The following ZNF365 variants were observed in gnomAD, a reference collection of about 807,000 sequenced individuals.
The protein encoded by ZNF365 is zinc finger protein 365.
In ZNF365, 22 loss-of-function variants were observed where a neutral mutation model predicts 35.0. The ratio of observed to expected loss-of-function variants is 0.63; its 90% CI spans 0.45 to 0.90. The LOEUF (loss-of-function observed/expected upper bound fraction) is 0.90, where lower values mean the gene tolerates loss of function less well. ZNF365 is among the 40% of genes least tolerant of loss of function. The pLI is 0.00. For synonymous variants in ZNF365, 188 were observed against 196.2 expected (o/e 0.96, Z 0.35); for missense variants, 448 against 500.3 (o/e 0.90, Z 1.00).
intron 4 of ZNF365, among the ~76,000 whole-genome samples, chr10:62,460,084 C>T (rs982850247): frequency 6.6e-6 from 1 of 152,148 alleles, no homozygotes; most frequent in Non-Finnish European, 1.5e-5. Flanking sequence ...GTCTTATTCT[C>T]TTCTCTACCT....
At chr10:62,454,222 T>A (rs1314181558) in intron 3 of ZNF365, among the ~76,000 whole-genome samples, 1 of 152,198 alleles carries the variant, frequency 6.6e-6, no homozygotes, top group Admixed American at 6.5e-5. Context: ...AAGTCATGTA[T>A]TACTTCTTAT....
Position 62,376,840 on chromosome 10 carries a change from G to A in ZNF365, c.647G>A (p.Arg216Gln), listed in dbSNP as rs764328633. 10 of 1,614,142 alleles carry A rather than the reference G, an allele frequency of 6.2e-6. No homozygotes were observed. Among genetic ancestry groups the A allele is most frequent in the Middle Eastern group, 1.6e-4 (1 of 6,062 alleles). ...QKKQEVQRRE[R>Q]ALNRQVDVAV... ...AAGCAGGAAGTTCAGAGACGAGAGC[G>A]GGCCTTAAACAGACAGGTGGACGTG... Residue 216 changes from arginine to glutamine, a missense_variant, in exon 2 of 5, where the codon CGG becomes CAG. Transcript: ENST00000395254.
chr10:62,427,397 C>T (rs1268648024), intron 3 of ZNF365, among the ~76,000 whole-genome samples: 1 of 152,134 alleles, frequency 6.6e-6, no homozygotes, highest in Non-Finnish European at 1.5e-5. Flanking sequence ...GAGCAATAGG[C>T]TATACCACAT....
intron 4 of ZNF365, among the ~76,000 whole-genome samples, chr10:62,467,772 C>T (rs1329968241): frequency 6.6e-6 from 1 of 152,066 alleles, no homozygotes; most frequent in African/African-American, 2.4e-5. Flanking sequence ...ATGCTTCAAG[C>T]CTCTTTGCTT....
intron 3 of ZNF365, among the ~76,000 whole-genome samples, chr10:62,408,074 G>A (rs1036919502): frequency 2.0e-5 from 3 of 152,144 alleles, no homozygotes; most frequent in African/African-American, 4.8e-5. Context: ...CAATGGTGCA[G>A]TTGAAAGGGC....
intron 4 of ZNF365, among the ~76,000 whole-genome samples, chr10:62,467,806 AGT>A (rs1840968794): frequency 1.3e-5 from 2 of 152,158 alleles, no homozygotes; most frequent in South Asian, 4.1e-4. Flanking sequence ...AAATAAGGAA[AGT>A]TCCTGAATGA....
intron 4 of ZNF365, among the ~76,000 whole-genome samples, chr10:62,475,594 A>G (rs1564604637): frequency 6.6e-6 from 1 of 152,208 alleles, no homozygotes; most frequent in Non-Finnish European, 1.5e-5. Flanking sequence ...AGGGTAGAAG[A>G]GAGGGAGCTT....
chr10:62,405,431 T>C (rs932801329), downstream of ZNF365, among the ~76,000 whole-genome samples: 4 of 152,198 alleles, frequency 2.6e-5, no homozygotes, highest in Non-Finnish European at 5.9e-5. Flanking sequence ...GTGACAGAGC[T>C]TGAGTGAGAA....
At chr10:62,451,079 G>C (rs186919707) in intron 3 of ZNF365, among the ~76,000 whole-genome samples, 1 of 152,118 alleles carries the variant, frequency 6.6e-6, no homozygotes, top group African/African-American at 2.4e-5. Context: ...ATGAAACTAC[G>C]TGCAGAAAAC....
intron 3 of ZNF365, among the ~76,000 whole-genome samples, chr10:62,455,029 C>A (rs567206761): frequency 1.3e-5 from 2 of 152,034 alleles, no homozygotes; most frequent in Non-Finnish European, 2.9e-5. Context: ...GACTTGGATA[C>A]ATTTGGTGGG....
intron 3 of ZNF365, among the ~76,000 whole-genome samples, chr10:62,448,078 C>T (rs1589459058): frequency 6.6e-6 from 1 of 152,192 alleles, no homozygotes; most frequent in East Asian, 1.9e-4. Flanking sequence ...ATCTCACCAG[C>T]TATTAATTCA....
At chr10:62,403,889 G>A (rs1160637417), downstream of ZNF365, among the ~76,000 whole-genome samples, 2 of 152,174 alleles carry the variant, frequency 1.3e-5, no homozygotes, top group Non-Finnish European at 2.9e-5. Context: ...TTCCAGGGGT[G>A]GCATGCCTGC....
intron 4 of ZNF365, among the ~76,000 whole-genome samples, chr10:62,475,897 C>G (rs906509150): frequency 2.0e-5 from 3 of 152,190 alleles, no homozygotes; most frequent in Non-Finnish European, 4.4e-5. Context: ...AGTTAGCAGA[C>G]TCTTGGCTGC....
chr10:62,404,283 G>A (rs1839873573), downstream of ZNF365, among the ~76,000 whole-genome samples: 1 of 152,188 alleles, frequency 6.6e-6, no homozygotes, highest in Non-Finnish European at 1.5e-5. Flanking sequence ...GAAGAGGAGA[G>A]ATTATTGCTG....
In ZNF365 at chr10:62,455,418, C is replaced by CT. The variant is rs987554431; in HGVS notation, c.925-4315dup. On this transcript the variant is annotated intron_variant, in intron 3 of 4. Coordinates refer to the ZNF365 transcript ENST00000395255. The stretch of plus-strand genomic sequence containing the variant: ...ATGTTGGTATCTTTAAAAGTAAAAA[C>CT]TTTTTTTTCTGGTGATAAAGATAAT... Among the ~76,000 whole-genome samples the CT allele has an allele frequency of 1.3e-4, 19 of 151,986 alleles. No individual in the cohort carries two copies. The East Asian group carries it at 1.7e-3, about 14-fold the overall frequency.
chr10:62,410,365 C>T (rs375169289), intron 3 of ZNF365, among the ~76,000 whole-genome samples: 2 of 152,226 alleles, frequency 1.3e-5, no homozygotes, highest in South Asian at 2.1e-4. Context: ...GAATCTCTCT[C>T]TCTCTCTTTT....
chr10:62,441,791 C>A (rs752042663), intron 3 of ZNF365, among the ~76,000 whole-genome samples: 1 of 152,000 alleles, frequency 6.6e-6, no homozygotes, highest in Non-Finnish European at 1.5e-5. Context: ...TGAATTGAAT[C>A]GAAGAAAGTT....
intron 3 of ZNF365, among the ~76,000 whole-genome samples, chr10:62,408,211 A>G (rs1300091256): frequency 5.9e-5 from 9 of 152,140 alleles, no homozygotes; most frequent in Non-Finnish European, 1.5e-5. Context: ...AACAACCATG[A>G]AGTCTTCTCT....
chr10:62,465,651 T>C (rs528583520), intron 4 of ZNF365, among the ~76,000 whole-genome samples: 1 of 152,190 alleles, frequency 6.6e-6, no homozygotes, highest in East Asian at 1.9e-4. Context: ...GGATAGAGGC[T>C]ACCCACTTTG....
Sources: gnomAD v4.1 joint callset for allele counts (sites outside exome capture counted in the v4.1 genomes callset) on GRCh38, gnomAD v4.1.1 for gene constraint, MANE v1.5 for transcripts, NCBI Gene and HGNC (gene_info 2026-07-23, HGNC 2026-07-21) for gene names.